MLIP: variants seen among roughly 807,000 people sequenced by gnomAD.
The protein encoded by MLIP is muscular LMNA-interacting protein.
A neutral mutation model predicts 84.8 loss-of-function variants in MLIP; 79 were observed. The ratio of observed to expected loss-of-function variants is 0.93; its 90% confidence interval spans 0.78 to 1.12. The LOEUF (loss-of-function observed/expected upper bound fraction) is 1.12. MLIP is among the 50% of genes most tolerant of loss of function. The pLI is 0.00. For synonymous variants in MLIP, 504 were observed against 463.0 expected (o/e 1.09, Z -1.14); for missense variants, 1,257 against 1,160.6 (o/e 1.08, Z -1.21).
chr6:54,054,344 C>T (rs971601614), intron 1 of MLIP, among the ~76,000 whole-genome samples: 1 of 150,816 alleles, frequency 6.6e-6, no homozygotes. Context: ...CACATTGTAC[C>T]GATGACAAAC....
chr6:54,182,895 C>G (rs1777027179), intron 9 of MLIP, among the ~76,000 whole-genome samples: 1 of 152,100 alleles, frequency 6.6e-6, no homozygotes, highest in African/African-American at 2.4e-5. Flanking sequence ...AAATCCTCTA[C>G]ATTTTATAAA....
rs184786478 is a variant in MLIP, at chr6:54,082,551, G to T, written c.64-38896G>T. ...GGGACACAGTAAAACCAAATCAGAC[G>T]ATGTATCCATATTCACCTTTTTTGG... On this transcript the variant is annotated intron_variant, in intron 1 of 12. Transcript: ENST00000274897. Among the ~76,000 whole-genome samples the T allele has an allele frequency of 2.3e-4, 35 of 152,248 alleles. No individual in the cohort carries two copies. The East Asian group carries it at 6.6e-3, about 29-fold the overall frequency.
chr6:54,232,923 T>C (rs1781104065), intron 12 of MLIP, among the ~76,000 whole-genome samples: 1 of 152,162 alleles, frequency 6.6e-6, no homozygotes, highest in South Asian at 2.1e-4. Flanking sequence ...GTTCAACAGG[T>C]TGTATTCTTC....
intron 1 of MLIP, among the ~76,000 whole-genome samples, chr6:54,060,119 A>G (rs1010899235): frequency 2.8e-5 from 4 of 143,182 alleles, no homozygotes; most frequent in African/African-American, 4.9e-5. Flanking sequence ...ACAAATTACT[A>G]TGTGTCTGGA....
intron 1 of MLIP, among the ~76,000 whole-genome samples, chr6:54,093,793 C>A (rs1768024958): frequency 6.6e-6 from 1 of 152,196 alleles, no homozygotes; most frequent in Non-Finnish European, 1.5e-5. Flanking sequence ...CATAGGCACA[C>A]CTATTTCTTT....
At chr6:54,245,089 G>T (rs538140734) in intron 12 of MLIP, among the ~76,000 whole-genome samples, 1 of 152,236 alleles carries the variant, frequency 6.6e-6, no homozygotes, top group Admixed American at 6.5e-5. Flanking sequence ...TTTGCACCTT[G>T]TTCTGATGGA....
At chr6:54,182,520 A>T (rs1776985884) in intron 9 of MLIP, among the ~76,000 whole-genome samples, 1 of 152,148 alleles carries the variant, frequency 6.6e-6, no homozygotes, top group African/African-American at 2.4e-5. Context: ...GTGGTTTTCT[A>T]TGTGTAGATA....
At chr6:54,242,317 A>G (rs1781794070) in intron 12 of MLIP, among the ~76,000 whole-genome samples, 1 of 152,126 alleles carries the variant, frequency 6.6e-6, no homozygotes, top group South Asian at 2.1e-4. Flanking sequence ...TTCTTCTTCT[A>G]CTTATTTATT....
intron 10 of MLIP, among the ~76,000 whole-genome samples, chr6:54,198,133 T>G (rs1263016480): frequency 1.3e-5 from 2 of 152,128 alleles, no homozygotes; most frequent in Non-Finnish European, 2.9e-5. Context: ...TCAAGTCTAG[T>G]GTCTTTCAAC....
chr6:54,155,709 T>A lies in MLIP; in HGVS notation c.2290-4658T>A, dbSNP rs146158580. 3.3e-5 allele frequency among the ~76,000 whole-genome samples: 5 copies of A among 152,236 alleles called. No individual in the cohort carries two copies. In the East Asian group the frequency reaches 9.7e-4, roughly 29 times the overall value. Reference sequence around the variant, plus strand: ...TATTGGCATACTTTTACACAAGGACTTTGATTTGCAATGCTTTTTCATAGT... The same window carrying A: ...TATTGGCATACTTTTACACAAGGACATTGATTTGCAATGCTTTTTCATAGT... On this transcript the variant is annotated intron_variant, in intron 5 of 13. Transcript: ENST00000502396.
At chr6:54,213,885 T>C (rs979133823) in intron 11 of MLIP, among the ~76,000 whole-genome samples, 1 of 152,006 alleles carries the variant, frequency 6.6e-6, no homozygotes, top group African/African-American at 2.4e-5. Flanking sequence ...CACTTGAAAA[T>C]TTTACACCAA....
chr6:54,110,229 C>T (rs1392205778), upstream of MLIP, among the ~76,000 whole-genome samples: 5 of 152,070 alleles, frequency 3.3e-5, no homozygotes, highest in Middle Eastern at 3.4e-3. Flanking sequence ...GTGGTCCGCC[C>T]GCCTCGGCCT....
intron 13 of MLIP, among the ~76,000 whole-genome samples, chr6:54,261,295 C>T (rs897929601): frequency 2.6e-5 from 4 of 151,874 alleles, no homozygotes; most frequent in Admixed American, 6.6e-5. Context: ...ATAAACAGAC[C>T]GCCCCTCTTT....
At chr6:54,254,707 A>G (rs1782869749) in intron 12 of MLIP, among the ~76,000 whole-genome samples, 1 of 150,742 alleles carries the variant, frequency 6.6e-6, no homozygotes, top group African/African-American at 2.5e-5. Flanking sequence ...TTCTGAGATC[A>G]TATTTTTATT....
chr6:54,127,024 C>T (rs1183408653), intron 3 of MLIP, among the ~76,000 whole-genome samples: 2 of 151,838 alleles, frequency 1.3e-5, no homozygotes, highest in East Asian at 3.9e-4. Flanking sequence ...GTACATACTT[C>T]ATACCTTCCC....
chr6:54,034,141 CT>C (rs2150288717), intron 1 of MLIP, among the ~76,000 whole-genome samples: 1 of 152,170 alleles, frequency 6.6e-6, no homozygotes, highest in East Asian at 1.9e-4. Context: ...ATTGTCTTGT[CT>C]TGATTGCAAA....
intron 12 of MLIP, among the ~76,000 whole-genome samples, chr6:54,256,680 T>G (rs1783026548): frequency 6.6e-6 from 1 of 152,076 alleles, no homozygotes; most frequent in African/African-American, 2.4e-5. Context: ...AAGACCCACA[T>G]AGCAATAAAA....
intron 1 of MLIP, among the ~76,000 whole-genome samples, chr6:54,027,054 CTT>C (rs1313494303): frequency 6.6e-6 from 1 of 152,090 alleles, no homozygotes; most frequent in Non-Finnish European, 1.5e-5. Flanking sequence ...CATTAGGAAT[CTT>C]GAAATAGTTT....
At chr6:54,073,144 T>G (rs1162103536) in intron 1 of MLIP, among the ~76,000 whole-genome samples, 2 of 152,154 alleles carry the variant, frequency 1.3e-5, no homozygotes, top group Non-Finnish European at 2.9e-5. Context: ...TCCCTGCCAG[T>G]GGGGTTGGCC....
Sources: gnomAD v4.1 joint callset for allele counts (sites outside exome capture counted in the v4.1 genomes callset) on GRCh38, gnomAD v4.1.1 for gene constraint, MANE v1.5 for transcripts, NCBI Gene and HGNC (gene_info 2026-07-23, HGNC 2026-07-21) for gene names.